The following VTI1A variants were observed in gnomAD, a reference collection of about 807,000 sequenced individuals.
The protein encoded by VTI1A is vesicle transport through interaction with t-SNAREs 1A.
VTI1A carries 22 observed loss-of-function variants against 34.9 expected under a neutral mutation model. The observed-to-expected ratio is 0.63, with a 90% CI of 0.45 to 0.90. VTI1A has a LOEUF of 0.90. Among genes scored for constraint, VTI1A ranks in the 40% least tolerant of loss-of-function variants. The pLI is 0.00. For missense variants in VTI1A, 268 were observed against 275.6 expected (o/e 0.97, Z 0.20); for synonymous variants, 87 against 97.3 (o/e 0.89, Z 0.62).
At chr10:112,629,153 A>G (rs1041771074) in intron 5 of VTI1A, among the ~76,000 whole-genome samples, 6 of 152,250 alleles carry the variant, frequency 3.9e-5, no homozygotes, top group Admixed American at 3.3e-4. Flanking sequence ...TGGGACACTC[A>G]GAGGCCTCAG....
chr10:112,524,876 T>C (rs1261374355), intron 3 of VTI1A, among the ~76,000 whole-genome samples: 1 of 152,180 alleles, frequency 6.6e-6, no homozygotes, highest in Non-Finnish European at 1.5e-5. Flanking sequence ...TCTCATTTCC[T>C]TTAATGCAGT....
intron 5 of VTI1A, among the ~76,000 whole-genome samples, chr10:112,611,737 A>ATTTTTTTTTTTTTTGTTTTTTTTTT (rs1845316786): frequency 9.9e-6 from 1 of 100,856 alleles, no homozygotes; most frequent in African/African-American, 4.5e-5. Context: ...GAGAAAGGTA[A>ATTTTTTTTTTTTTTGTTTTTTTTTT]TTTTTTTTTT....
intron 3 of VTI1A, among the ~76,000 whole-genome samples, chr10:112,505,939 T>A (rs529688839): frequency 6.6e-6 from 1 of 152,188 alleles, no homozygotes; most frequent in Non-Finnish European, 1.5e-5. Context: ...GTTTCAGCTA[T>A]CCATAGTATA....
chr10:112,651,164 G>A (rs1223342275), intron 5 of VTI1A, among the ~76,000 whole-genome samples: 2 of 152,174 alleles, frequency 1.3e-5, no homozygotes, highest in African/African-American at 4.8e-5. Context: ...AGCAAGGGGA[G>A]CATTCCTGTC....
At chr10:112,828,880 A>T in the VTI1A span, among the ~76,000 whole-genome samples, 1 of 151,620 alleles carries the variant, frequency 6.6e-6, no homozygotes, top group Non-Finnish European at 1.5e-5. Context: ...CCACACACAC[A>T]TAAGAATAAA....
chr10:112,523,014 T>C (rs1218599242), intron 3 of VTI1A, among the ~76,000 whole-genome samples: 1 of 152,134 alleles, frequency 6.6e-6, no homozygotes, highest in Non-Finnish European at 1.5e-5. Context: ...TGTAGAATCC[T>C]CATTCTGGTT....
In VTI1A at chr10:112,792,102, C is replaced by T. The variant is rs150266179; in HGVS notation, c.561-23188C>T. On this transcript the variant is annotated intron_variant, in intron 7 of 7. Transcript: ENST00000393077. ...CAGTCTGGCCAACATAGTGAAATCC[C>T]GTCTCTACTAAACGTAGAAAAAATT... Among the ~76,000 whole-genome samples, 361 of 152,134 alleles carry T rather than the reference C, an allele frequency of 2.4e-3. 1 individual carries two copies. Among genetic ancestry groups the T allele is most frequent in the African/African-American group, 8.3e-3 (344 of 41,526 alleles).
In VTI1A at chr10:112,523,962, G is replaced by A. The variant is rs7077520; in HGVS notation, c.265-3125G>A. Among the ~76,000 whole-genome samples, 1,101 of 152,104 alleles carry A rather than the reference G, an allele frequency of 7.2e-3. 20 individuals carry two copies. Among genetic ancestry groups the A allele is most frequent in the African/African-American group, 0.025 (1,045 of 41,510 alleles). On this transcript the variant is annotated intron_variant, in intron 3 of 7. Coordinates refer to ENST00000393077, the MANE Select transcript of VTI1A (RefSeq NM_145206.4). ...TGAAGTTTATCAAGATACAGTAAATGCTTCAGTTTTATTAACTTTGAATCT... is the reference window on the plus strand; with the variant it reads ...TGAAGTTTATCAAGATACAGTAAATACTTCAGTTTTATTAACTTTGAATCT...
chr10:112,545,229 A>G lies in VTI1A; in HGVS notation c.427+6899A>G, dbSNP rs114919045. ...CTTTAACAATTGGCGTGTGTTTCCA[A>G]AGATTCTTTTGTAAGGCTATCCCCA... On this transcript the variant is annotated intron_variant, in intron 5 of 7. Transcript: ENST00000393077. Among the ~76,000 whole-genome samples the G allele has an allele frequency of 2.6e-3, 395 of 152,354 alleles. 2 individuals are homozygous for G. Among genetic ancestry groups the G allele is most frequent in the African/African-American group, 9.0e-3 (376 of 41,586 alleles).
chr10:112,819,845 C>A (rs1349478764), downstream of VTI1A, among the ~76,000 whole-genome samples: 1 of 152,204 alleles, frequency 6.6e-6, no homozygotes. Context: ...AAGCCACCCT[C>A]AGAGGCCCGG....
At chr10:112,495,160 G>T (rs1268907221) in intron 3 of VTI1A, among the ~76,000 whole-genome samples, 1 of 146,624 alleles carries the variant, frequency 6.8e-6, no homozygotes, top group Non-Finnish European at 1.5e-5. Context: ...ACATGCCAAT[G>T]GTCCGTTTCA....
chr10:112,814,869 CAT>C (rs1334606691), intron 7 of VTI1A, among the ~76,000 whole-genome samples: 2 of 152,098 alleles, frequency 1.3e-5, no homozygotes, highest in Non-Finnish European at 2.9e-5. Context: ...ACATTGCTGA[CAT>C]GTGTTTCCTT....
intron 7 of VTI1A, among the ~76,000 whole-genome samples, chr10:112,685,658 G>T (rs931297520): frequency 1.5e-5 from 2 of 133,278 alleles, no homozygotes; most frequent in Non-Finnish European, 3.3e-5. Flanking sequence ...TTAGGATGTT[G>T]TTGTTTTTTT....
At chr10:112,468,746 G>C (rs759118855) in intron 3 of VTI1A, among the ~76,000 whole-genome samples, 2 of 152,034 alleles carry the variant, frequency 1.3e-5, no homozygotes, top group Non-Finnish European at 2.9e-5. Flanking sequence ...ATACTGACTG[G>C]TATTTGTAGC....
At chr10:112,566,859 T>C (rs915604040) in intron 5 of VTI1A, among the ~76,000 whole-genome samples, 20 of 152,158 alleles carry the variant, frequency 1.3e-4, no homozygotes, top group Non-Finnish European at 2.9e-4. Flanking sequence ...CAGCCAGTTA[T>C]GTGTGGGGCA....
intron 7 of VTI1A, among the ~76,000 whole-genome samples, chr10:112,791,611 G>C (rs1444169444): frequency 2.0e-5 from 3 of 152,034 alleles, no homozygotes; most frequent in African/African-American, 7.3e-5. Context: ...AAACCAGTGA[G>C]AATGTTAGCT....
chr10:112,535,039 A>G (rs1435340199), intron 4 of VTI1A, among the ~76,000 whole-genome samples: 1 of 152,206 alleles, frequency 6.6e-6, no homozygotes, highest in Non-Finnish European at 1.5e-5. Context: ...AATTGTGTCA[A>G]ATTAGAAGTC....
At chr10:112,720,230 G>C (rs1849754132) in intron 7 of VTI1A, among the ~76,000 whole-genome samples, 1 of 152,176 alleles carries the variant, frequency 6.6e-6, no homozygotes, top group Non-Finnish European at 1.5e-5. Flanking sequence ...GCCTACTTAG[G>C]AGTAGAATTG....
At chr10:112,540,718 G>A (rs1036864258) in intron 5 of VTI1A, among the ~76,000 whole-genome samples, 1 of 152,162 alleles carries the variant, frequency 6.6e-6, no homozygotes, top group Admixed American at 6.5e-5. Context: ...GTCATGGCTT[G>A]TCAATCCATA....
Sources: gnomAD v4.1 joint callset for allele counts (sites outside exome capture counted in the v4.1 genomes callset) on GRCh38, gnomAD v4.1.1 for gene constraint, MANE v1.5 for transcripts, NCBI Gene and HGNC (gene_info 2026-07-23, HGNC 2026-07-21) for gene names.